The following ASIC2 variants were observed in gnomAD, a reference collection of about 807,000 sequenced individuals.
ASIC2 encodes the protein acid sensing ion channel subunit 2, also known as acid-sensing ion channel 2.
ASIC2 carries 25 observed loss-of-function variants against 57.3 expected under a neutral mutation model. That is an observed-to-expected ratio of 0.44 (90% CI 0.32 to 0.61). The LOEUF is 0.61. Among genes scored for constraint, ASIC2 ranks in the 20% least tolerant of loss-of-function variants. The probability of loss-of-function intolerance (pLI) is 0.06; values close to 1 mark genes in which losing one functional copy is unlikely to be tolerated. For synonymous variants in ASIC2, 319 were observed against 307.5 expected, an observed-to-expected ratio of 1.04 and a Z score of -0.39; for missense variants, 641 against 738.1, an observed-to-expected ratio of 0.87 and a Z score of 1.52.
At chr17:33,769,346 C>T (rs1431173626) in intron 1 of ASIC2, among the ~76,000 whole-genome samples, 1 of 152,180 alleles carries the variant, frequency 6.6e-6, no homozygotes, top group Non-Finnish European at 1.5e-5. Flanking sequence ...GCTCCTGTGT[C>T]AGCAGAGCAG....
intron 1 of ASIC2, among the ~76,000 whole-genome samples, chr17:33,421,367 C>T (rs989929334): frequency 2.6e-5 from 4 of 152,200 alleles, no homozygotes; most frequent in African/African-American, 9.6e-5. Flanking sequence ...CCATCCATAT[C>T]CTTGATGATC....
intron 1 of ASIC2, among the ~76,000 whole-genome samples, chr17:34,126,280 G>C (rs760369648): frequency 6.6e-6 from 1 of 152,184 alleles, no homozygotes; most frequent in Non-Finnish European, 1.5e-5. Context: ...ACACCAGTGA[G>C]ACTTAGGCAT....
intron 1 of ASIC2, among the ~76,000 whole-genome samples, chr17:33,839,415 C>A (rs1156295930): frequency 1.3e-5 from 2 of 152,200 alleles, no homozygotes; most frequent in Non-Finnish European, 2.9e-5. Flanking sequence ...CTAGACAATG[C>A]ATTAATTAAT....
chr17:33,254,991 A>C (rs963260616), intron 1 of ASIC2, among the ~76,000 whole-genome samples: 3 of 150,006 alleles, frequency 2.0e-5, no homozygotes, highest in African/African-American at 4.9e-5. Flanking sequence ...ATGATTATCT[A>C]ATTAATAATT....
intron 1 of ASIC2, among the ~76,000 whole-genome samples, chr17:33,476,192 T>C (rs966361515): frequency 6.6e-6 from 1 of 152,134 alleles, no homozygotes; most frequent in Non-Finnish European, 1.5e-5. Context: ...TGGTATATCA[T>C]GCCAGGAGGG....
At chr17:33,235,870 C>T (rs1343446477) in intron 1 of ASIC2, among the ~76,000 whole-genome samples, 1 of 152,038 alleles carries the variant, frequency 6.6e-6, no homozygotes, top group Non-Finnish European at 1.5e-5. Flanking sequence ...GAGTTTCACT[C>T]TTGTTGCCCA....
intron 1 of ASIC2, among the ~76,000 whole-genome samples, chr17:33,896,287 A>T (rs1915093785): frequency 6.6e-6 from 1 of 152,234 alleles, no homozygotes; most frequent in South Asian, 2.1e-4. Flanking sequence ...GGCATCTTGC[A>T]AGACAGTGCA....
chr17:33,545,593 C>A lies in ASIC2; in HGVS notation c.556-433526G>T, dbSNP rs1301381926. Among the ~76,000 whole-genome samples the A allele has an allele frequency of 2.0e-5, 3 of 152,116 alleles. No homozygotes were observed. In the East Asian group the frequency reaches 5.8e-4, roughly 29 times the overall value. ...GCCACCTCTAATCACAATGATTCTC[C>A]TCTTCTTAACCACTTCTGTCACCTT... On this transcript the variant is annotated intron_variant, in intron 1 of 9. Transcript: ENST00000359872.
intron 1 of ASIC2, among the ~76,000 whole-genome samples, chr17:33,221,950 T>C (rs1012466881): frequency 2.6e-5 from 4 of 152,232 alleles, no homozygotes; most frequent in Non-Finnish European, 5.9e-5. Context: ...CCTTCTGTGG[T>C]CCTCCCATCA....
Position 33,398,145 on chromosome 17 carries a change from G to A in ASIC2, c.556-286078C>T, listed in dbSNP as rs1455063457. Among the ~76,000 whole-genome samples the A allele has an allele frequency of 2.6e-5, 4 of 152,106 alleles. No individual in the cohort carries two copies. In the East Asian group the frequency reaches 7.7e-4, roughly 29 times the overall value. ...TGACCACCTTCTAACATACCATATA[G>A]TTTACTTATATACTGTGTGTATTCT... is the stretch of plus-strand genomic sequence containing the variant. On this transcript the variant is annotated intron_variant, in intron 1 of 9. Transcript: ENST00000359872.
At chr17:33,553,587 C>T (rs4795806) in intron 1 of ASIC2, among the ~76,000 whole-genome samples, 6,522 of 152,114 alleles carry the variant, frequency 0.043, 326 homozygotes, top group East Asian at 0.27. Context: ...CCTCCCACCT[C>T]AGCCTCCCCA....
intron 1 of ASIC2, among the ~76,000 whole-genome samples, chr17:33,815,305 G>T (rs576681160): frequency 6.6e-6 from 1 of 152,328 alleles, no homozygotes; most frequent in Non-Finnish European, 1.5e-5. Flanking sequence ...CCACTGGGTA[G>T]TTCACACGCT....
At chr17:34,102,106 CGAGACTAGCCTGGCCAACTTT>C (rs1334863634) in intron 1 of ASIC2, among the ~76,000 whole-genome samples, 6 of 151,976 alleles carry the variant, frequency 3.9e-5, no homozygotes, top group South Asian at 2.1e-4. Context: ...GTCAGGAGTT[CGAGACTAGCCTGGCCAACTTT>C]GAGACTAGCC....
chr17:33,458,760 G>A (rs888396900), intron 1 of ASIC2, among the ~76,000 whole-genome samples: 6 of 152,158 alleles, frequency 3.9e-5, no homozygotes, highest in East Asian at 1.9e-4. Context: ...TGAAGAGATT[G>A]AATAATAATT....
chr17:33,093,782 G>C (rs1005660544), intron 2 of ASIC2, among the ~76,000 whole-genome samples: 1 of 152,186 alleles, frequency 6.6e-6, no homozygotes, highest in Non-Finnish European at 1.5e-5. Context: ...AGTGCATCAC[G>C]ATAAAAGAAG....
chr17:33,623,586 G>A (rs1373105513), intron 1 of ASIC2: 1 of 151,972 alleles, frequency 6.6e-6, no homozygotes, highest in Admixed American at 6.6e-5. Context: ...ATCTTATGGT[G>A]GTAAAGTAAT....
intron 1 of ASIC2, among the ~76,000 whole-genome samples, chr17:33,365,094 C>A (rs116742324): frequency 6.6e-6 from 1 of 152,160 alleles, no homozygotes. Context: ...CCCTCTGCTT[C>A]GGTGTGACCA....
At chr17:33,230,859 A>G (rs1908063872) in intron 1 of ASIC2, among the ~76,000 whole-genome samples, 1 of 152,164 alleles carries the variant, frequency 6.6e-6, no homozygotes, top group African/African-American at 2.4e-5. Context: ...TCCCACTTCA[A>G]GGTGATACGC....
rs550992590 is a variant in ASIC2, at chr17:33,368,222, C to T, written c.556-256155G>A. 2.0e-5 allele frequency among the ~76,000 whole-genome samples: 3 copies of T among 152,310 alleles called. No homozygotes were observed. The South Asian group carries it at 6.2e-4, about 32-fold the overall frequency. ...GTCATAAAAAGTGAAATGGTTTCCA[C>T]CTGGTGTCAGCATGCACCTTGGGAG... On this transcript the variant is annotated intron_variant, in intron 1 of 9. Transcript: ENST00000359872.
Sources: allele counts gnomAD v4.1 joint callset (sites outside exome capture counted in the v4.1 genomes callset), GRCh38; gene constraint gnomAD v4.1.1; transcripts MANE v1.5; gene names NCBI Gene and HGNC (gene_info 2026-07-23, HGNC 2026-07-21).